The following TRPM7 variants were observed in gnomAD, a reference collection of about 807,000 sequenced individuals.
TRPM7 encodes transient receptor potential cation channel subfamily M member 7, also known as LTRPC ion channel family member 7.
In TRPM7, 134 loss-of-function variants were observed where a neutral mutation model predicts 229.7. That is an observed-to-expected ratio of 0.58 (90% confidence interval 0.51 to 0.67). The LOEUF (loss-of-function observed/expected upper bound fraction) is 0.67, where lower values mean the gene tolerates loss of function less well. Ranked by LOEUF, TRPM7 falls within the 30% of genes least tolerant of loss-of-function variation. The pLI is 0.00. For missense variants in TRPM7, 1,901 were observed against 2,210.0 expected (o/e 0.86, Z 2.80); for synonymous variants, 699 against 715.2 (o/e 0.98, Z 0.36).
intron 1 of TRPM7, among the ~76,000 whole-genome samples, chr15:50,667,779 A>C (rs1452530313): frequency 6.6e-6 from 1 of 152,232 alleles, no homozygotes; most frequent in Non-Finnish European, 1.5e-5. Context: ...GGTTTTATTA[A>C]GAACTGGGTT....
chr15:50,613,003 C>T (rs531798225), intron 15 of TRPM7, among the ~76,000 whole-genome samples, 174 bp from the exon 16 acceptor site: 17 of 152,204 alleles, frequency 1.1e-4, no homozygotes, highest in Admixed American at 1.1e-3. Context: ...TATGAAAATG[C>T]TGTTTCAACA....
At chr15:50,588,117 T>A (rs1284118707) in intron 27 of TRPM7, 1 of 545,820 alleles carries the variant, frequency 1.8e-6, no homozygotes, top group African/African-American at 2.1e-5. Context: ...CTACACCTAT[T>A]TCCTCCATCT....
In TRPM7 at chr15:50,557,487, T is replaced by C. The variant is rs903868094; in HGVS notation, c.*4191A>G. ...GAAAGTGGAACAAGGGAGTAATTTT[T>C]ATATTTTTCTTCACATTTAAAAATA... is the stretch of plus-strand genomic sequence containing the variant. On this transcript the variant is annotated 3_prime_UTR_variant, in exon 39 of 39. Coordinates refer to ENST00000646667, the MANE Select transcript of TRPM7 (RefSeq NM_017672.6). 1 of 152,248 alleles carries C rather than the reference T, an allele frequency of 6.6e-6. No homozygotes were observed. Among genetic ancestry groups the C allele is most frequent in the Non-Finnish European group, 1.5e-5 (1 of 68,048 alleles). The allele number at this position is 152,248 out of a possible 1,614,324, so 9.4% of individuals were successfully genotyped here.
chr15:50,605,520 G>A (rs1203664059), intron 20 of TRPM7, among the ~76,000 whole-genome samples: 1 of 152,172 alleles, frequency 6.6e-6, no homozygotes, highest in Non-Finnish European at 1.5e-5. Flanking sequence ...ATAACTCAAT[G>A]GTTTAAGTAG....
intron 1 of TRPM7, among the ~76,000 whole-genome samples, chr15:50,679,390 T>C (rs1332855983): frequency 6.0e-5 from 9 of 148,960 alleles, no homozygotes. Flanking sequence ...GAGTAAGCCA[T>C]ATCAACCCAT....
chr15:50,664,410 A>C (rs933760097), intron 1 of TRPM7, among the ~76,000 whole-genome samples: 1 of 152,172 alleles, frequency 6.6e-6, no homozygotes, highest in Non-Finnish European at 1.5e-5. Context: ...TGGAATGGTT[A>C]ATGATACAGG....
intron 4 of TRPM7, among the ~76,000 whole-genome samples, chr15:50,644,226 T>C (rs1462081663): frequency 2.6e-5 from 4 of 151,944 alleles, no homozygotes; most frequent in Admixed American, 6.6e-5. Context: ...TATAGAAAAA[T>C]AGAAAAAAAA....
intron 6 of TRPM7, 128 bp downstream of exon 6, chr15:50,639,296 G>A: frequency 2.6e-6 from 2 of 756,752 alleles, no homozygotes; most frequent in Non-Finnish European, 3.6e-6. Flanking sequence ...TAAACCTCAG[G>A]AAAATACCTT....
intron 1 of TRPM7, 21 bp from the exon 2 acceptor site, chr15:50,663,067 G>T: frequency 6.3e-7 from 1 of 1,576,850 alleles, no homozygotes; most frequent in Non-Finnish European, 8.7e-7. Context: ...ATGTTTTAAA[G>T]AATTGTTTAT....
chr15:50,647,240 C>A (rs1417515762), intron 4 of TRPM7, among the ~76,000 whole-genome samples: 1 of 152,120 alleles, frequency 6.6e-6, no homozygotes, highest in African/African-American at 2.4e-5. Flanking sequence ...AGGTGATTAT[C>A]CTGCTTCAGC....
chr15:50,672,734 A>T (rs1289332318), intron 1 of TRPM7, among the ~76,000 whole-genome samples: 1 of 151,574 alleles, frequency 6.6e-6, no homozygotes, highest in Admixed American at 6.6e-5. Context: ...ATGTGGTGAA[A>T]CCCCATCACT....
intron 4 of TRPM7, among the ~76,000 whole-genome samples, chr15:50,648,318 T>C (rs2061327945): frequency 6.6e-6 from 1 of 151,340 alleles, no homozygotes. Flanking sequence ...GTGAGACAAA[T>C]AGATAACTAA....
At chr15:50,629,858 C>CT (rs1567041769) in intron 10 of TRPM7, among the ~76,000 whole-genome samples, 1 of 118,666 alleles carries the variant, frequency 8.4e-6, no homozygotes, top group African/African-American at 3.0e-5. Context: ...CTCTTTTTAA[C>CT]CTTTTTTTTT....
chr15:50,653,229 T>A (rs547392478), intron 3 of TRPM7, among the ~76,000 whole-genome samples: 1 of 152,248 alleles, frequency 6.6e-6, no homozygotes, highest in South Asian at 2.1e-4. Flanking sequence ...AGTGGGAGCA[T>A]AGCTTGAGCC....
At chr15:50,648,648 TAAC>T (rs2061334780) in intron 4 of TRPM7, 36 bp downstream of exon 4, 2 of 1,529,262 alleles carry the variant, frequency 1.3e-6, no homozygotes, top group Non-Finnish European at 1.8e-6. Context: ...ATTATTTAAA[TAAC>T]AACATAAATG....
intron 15 of TRPM7, among the ~76,000 whole-genome samples, chr15:50,613,072 A>G (rs1265104293): frequency 6.6e-6 from 1 of 152,234 alleles, no homozygotes; most frequent in African/African-American, 2.4e-5. Context: ...TTCAACTAAT[A>G]TTCTAATAGA....
rs371994540 is a variant in TRPM7, at chr15:50,581,674, G to A, written c.4558-766C>T. Reference sequence around the variant, plus strand: ...GGTTTTTATTCTGCAGTTGTATAATGTTCCTAGGTGTGGGTTTATTTTTAC... The same window carrying A: ...GGTTTTTATTCTGCAGTTGTATAATATTCCTAGGTGTGGGTTTATTTTTAC... On this transcript the variant is annotated intron_variant, in intron 29 of 38. Transcript: ENST00000646667. Among the ~76,000 whole-genome samples the A allele has an allele frequency of 4.8e-4, 73 of 152,060 alleles. No individual in the cohort carries two copies. The South Asian group carries it at 0.015, about 31-fold the overall frequency.
At chr15:50,600,671 C>CTTT (rs2059756794) in intron 21 of TRPM7, among the ~76,000 whole-genome samples, 1 of 152,000 alleles carries the variant, frequency 6.6e-6, no homozygotes, top group African/African-American at 2.4e-5. Flanking sequence ...TATACAGTGA[C>CTTT]AGCAGAAATG....
chr15:50,675,730 A>C (rs1411205719), intron 1 of TRPM7, among the ~76,000 whole-genome samples: 1 of 152,222 alleles, frequency 6.6e-6, no homozygotes, highest in Non-Finnish European at 1.5e-5. Flanking sequence ...TTTTACCAAG[A>C]GGTGGCAAAC....
Sources: gnomAD v4.1 joint callset for allele counts (sites outside exome capture counted in the v4.1 genomes callset) on GRCh38, gnomAD v4.1.1 for gene constraint, MANE v1.5 for transcripts, NCBI Gene and HGNC (gene_info 2026-07-23, HGNC 2026-07-21) for gene names.